Variants in SPATA13 observed in about 807,000 individuals in gnomAD.
The protein encoded by SPATA13 is spermatogenesis associated 13, also known as spermatogenesis-associated protein 13.
A neutral mutation model predicts 104.0 loss-of-function variants in SPATA13; 50 were observed. The ratio of observed to expected loss-of-function variants is 0.48; its 90% CI spans 0.38 to 0.61. SPATA13 has a LOEUF of 0.61. Among genes scored for constraint, SPATA13 ranks in the 20% least tolerant of loss-of-function variants. The pLI, the probability that SPATA13 is intolerant of heterozygous loss-of-function variation, is 0.00. For synonymous variants in SPATA13, 606 were observed against 667.5 expected (o/e 0.91, Z 1.42); for missense variants, 1,524 against 1,690.6 (o/e 0.90, Z 1.73).
chr13:24,000,747 T>C (rs1453108783), intron 2 of SPATA13, among the ~76,000 whole-genome samples: 3 of 152,008 alleles, frequency 2.0e-5, no homozygotes, highest in African/African-American at 7.2e-5. Flanking sequence ...GTCAGAGGCA[T>C]GAATTTGGGA....
rs35053977 is a variant in SPATA13, at chr13:24,293,022, A to AAT, written c.3081-1717_3081-1716insAT. On this transcript the variant is annotated intron_variant, in intron 9 of 12. Coordinates refer to ENST00000382108, the MANE Select transcript of SPATA13 (RefSeq NM_001166271.3). ...AAAAAAAAAAAAAAAAAAAAAAAAA[A>AAT]GGCGAGGGTGTGGGGAGAGCCTTCT... 1.6e-3 allele frequency among the ~76,000 whole-genome samples: 220 copies of AAT among 134,914 alleles called. 9 individuals are homozygous for AAT. Among genetic ancestry groups the AAT allele is most frequent in the African/African-American group, 5.1e-3 (189 of 37,204 alleles). 88.5% of individuals were successfully genotyped at this position (134,914 alleles called of 152,430 possible). A position where few individuals can be genotyped will look rare whatever the true frequency, so the allele number is the denominator to read the frequency against.
intron 4 of SPATA13, among the ~76,000 whole-genome samples, chr13:24,280,726 G>T (rs943145497): frequency 3.3e-5 from 5 of 152,000 alleles, no homozygotes; most frequent in African/African-American, 1.2e-4. Flanking sequence ...GTTAGAGAAG[G>T]CCTTTGTCTT....
Position 24,300,775 on chromosome 13 carries a change from T to C in SPATA13, c.3658+300T>C, listed in dbSNP as rs539151361. 7.2e-5 allele frequency among the ~76,000 whole-genome samples: 11 copies of C among 152,318 alleles called. No homozygotes were observed. The East Asian group carries it at 1.7e-3, about 24-fold the overall frequency. ...TCTGCTCCCCTCCCCCAAGTGCTGATGGTGTTAGCCACAAGGTCACGCACA... is the reference window on the plus strand; with the variant it reads ...TCTGCTCCCCTCCCCCAAGTGCTGACGGTGTTAGCCACAAGGTCACGCACA... On this transcript the variant is annotated intron_variant, in intron 12 of 12. Coordinates refer to ENST00000382108, the MANE Select transcript of SPATA13 (RefSeq NM_001166271.3).
chr13:24,238,172 T>C (rs1872667953), intron 2 of SPATA13, among the ~76,000 whole-genome samples: 2 of 138,314 alleles, frequency 1.4e-5, no homozygotes, highest in South Asian at 4.7e-4. Context: ...ACTCTTGCTC[T>C]ATCTCCCAGA....
At chr13:24,166,539 A>G (rs1307031197) in intron 1 of SPATA13, among the ~76,000 whole-genome samples, 3 of 152,142 alleles carry the variant, frequency 2.0e-5, no homozygotes, top group Non-Finnish European at 4.4e-5. Flanking sequence ...TATAGCCCCA[A>G]GCACATCAGT....
chr13:24,298,262 C>T (rs147729655), intron 11 of SPATA13, among the ~76,000 whole-genome samples: 1,550 of 152,296 alleles, frequency 0.01, 28 homozygotes, highest in African/African-American at 0.032. Context: ...TGTGCCTGTG[C>T]AATACCTTCA....
chr13:24,224,678 G>C (rs1320077461), intron 2 of SPATA13, 96 bp downstream of exon 2: 1 of 1,306,488 alleles, frequency 7.7e-7, no homozygotes. Context: ...GTCAAGGTCA[G>C]TGGCCCTCTG....
rs140010981 is a variant in SPATA13, at chr13:24,060,270, A to C, written c.-112+42569A>C. ...GTGGAACAGAATAGAGAGCCCAGAA[A>C]TACTTACAACCTGCACACTTACTAT... On this transcript the variant is annotated intron_variant, in intron 3 of 14. Coordinates refer to the SPATA13 transcript ENST00000424834. Among the ~76,000 whole-genome samples the C allele has an allele frequency of 3.7e-3, 561 of 152,346 alleles. 6 individuals are homozygous for C. The highest frequency in any genetic ancestry group is 4.0e-3 in the Non-Finnish European group (273 of 68,034).
chr13:24,061,619 C>A (rs1205528039), intron 3 of SPATA13, among the ~76,000 whole-genome samples: 3 of 152,112 alleles, frequency 2.0e-5, no homozygotes, highest in Admixed American at 6.5e-5. Context: ...AATGCAGGAA[C>A]AGAAAACCAA....
chr13:24,215,214 G>A (rs990846555), intron 1 of SPATA13, among the ~76,000 whole-genome samples: 69 of 152,318 alleles, frequency 4.5e-4, no homozygotes, highest in African/African-American at 1.4e-3. Context: ...CATGACTGTC[G>A]TGCATGTCCT....
chr13:24,192,867 AG>A (rs1869842479), intron 1 of SPATA13, among the ~76,000 whole-genome samples: 1 of 152,160 alleles, frequency 6.6e-6, no homozygotes, highest in Admixed American at 6.5e-5. Context: ...AGGCAACAGG[AG>A]GCACTTCCAG....
intron 3 of SPATA13, among the ~76,000 whole-genome samples, chr13:24,074,159 C>T (rs1879251321): frequency 1.3e-5 from 2 of 152,260 alleles, no homozygotes; most frequent in South Asian, 4.1e-4. Flanking sequence ...CTTCATTAAA[C>T]CACTATTGTC....
At chr13:24,019,936 C>T (rs1876901445) in intron 3 of SPATA13, among the ~76,000 whole-genome samples, 1 of 152,206 alleles carries the variant, frequency 6.6e-6, no homozygotes, top group African/African-American at 2.4e-5. Context: ...CTGTGGTTTT[C>T]AGGCCAGCCA....
intron 3 of SPATA13, among the ~76,000 whole-genome samples, chr13:24,091,165 C>A (rs569285592): frequency 1.3e-5 from 2 of 152,338 alleles, no homozygotes; most frequent in East Asian, 3.9e-4. Flanking sequence ...CACATCTCTG[C>A]CTTACCCTGA....
chr13:24,298,349 G>A (rs1257678841), intron 11 of SPATA13, among the ~76,000 whole-genome samples: 1 of 152,138 alleles, frequency 6.6e-6, no homozygotes, highest in African/African-American at 2.4e-5. Context: ...TGAAACTCAG[G>A]ATGCCGCATC....
chr13:24,035,972 C>T (rs1296703281), intron 3 of SPATA13, among the ~76,000 whole-genome samples: 1 of 149,836 alleles, frequency 6.7e-6, no homozygotes, highest in Non-Finnish European at 1.5e-5. Context: ...CAAGATTACG[C>T]CACTGCACTC....
intron 3 of SPATA13, among the ~76,000 whole-genome samples, chr13:24,109,015 A>C (rs1880548537): frequency 6.6e-6 from 1 of 152,018 alleles, no homozygotes; most frequent in Non-Finnish European, 1.5e-5. Context: ...CTCAATGTGC[A>C]GGTTTGTTAC....
chr13:24,075,954 G>GA (rs1173583857), intron 3 of SPATA13, among the ~76,000 whole-genome samples: 1 of 152,138 alleles, frequency 6.6e-6, no homozygotes, highest in Non-Finnish European at 1.5e-5. Flanking sequence ...TAGAATGGGG[G>GA]AAAAAACTAA....
At chr13:24,255,094 T>C (rs1479756497) in intron 4 of SPATA13, among the ~76,000 whole-genome samples, 1 of 152,120 alleles carries the variant, frequency 6.6e-6, no homozygotes, top group Non-Finnish European at 1.5e-5. Flanking sequence ...TAACCAGGAG[T>C]GCGCACGAGC....
Sources: allele counts gnomAD v4.1 joint callset (sites outside exome capture counted in the v4.1 genomes callset), GRCh38; gene constraint gnomAD v4.1.1; transcripts MANE v1.5; gene names NCBI Gene and HGNC (gene_info 2026-07-23, HGNC 2026-07-21).